The following C11orf98 variants were observed in gnomAD, a reference collection of about 807,000 sequenced individuals.
C11orf98 encodes the protein 28S rRNA/ribosome and sororin micro-cofactor.
C11orf98 carries 7 observed loss-of-function variants against 10.9 expected under a neutral mutation model. The observed-to-expected ratio is 0.64, with a 90% CI of 0.37 to 1.21. C11orf98 has a LOEUF of 1.21. Among genes scored for constraint, C11orf98 ranks in the 50% most tolerant of loss-of-function variants. C11orf98 has a pLI of 0.02. For synonymous variants in C11orf98, 70 were observed against 57.2 expected, an observed-to-expected ratio of 1.22 and a Z score of -1.01; for missense variants, 181 against 153.7, an observed-to-expected ratio of 1.18 and a Z score of -0.94.
chr11:62,663,039 G>C lies in C11orf98; in HGVS notation c.*11C>G. The stretch of plus-strand genomic sequence containing the variant: ...GCTGGCTCCAGTTGAGAATCTTCTA[G>C]TGGAAGAGGTTTAGCTCTCATCTTC... On this transcript the variant is annotated 3_prime_UTR_variant, in exon 4 of 4. Coordinates refer to ENST00000524958, the MANE Select transcript of C11orf98 (RefSeq NM_001286086.2). 6.4e-7 allele frequency: 1 copy of C among 1,552,090 alleles called. No individual in the cohort carries two copies. Among genetic ancestry groups the C allele is most frequent in the Non-Finnish European group, 8.9e-7 (1 of 1,129,530 alleles).
Position 62,663,250 on chromosome 11 carries a change from TTC to T in C11orf98, c.246_247del (p.Lys83AspfsTer15), listed in dbSNP as rs1223940906. The T allele has an allele frequency of 1.2e-6, 2 of 1,614,206 alleles. No individual in the cohort carries two copies. Among genetic ancestry groups the T allele is most frequent in the East Asian group, 2.2e-5 (1 of 44,890 alleles). ...CCCAGCCTCACCTTCCATGGCTGTCTTCTCTTTCTGGGCAAGCCGGATCTGCT... is the reference window on the plus strand; with the variant it reads ...CCCAGCCTCACCTTCCATGGCTGTCTTCTTTCTGGGCAAGCCGGATCTGCT... On this transcript the variant is annotated frameshift_variant, in exon 3 of 4. Transcript: ENST00000524958. LOFTEE classifies it high-confidence loss of function.
At chr11:62,664,713 A>G in intron 2 of C11orf98, 136 bp downstream of exon 2, 1 of 1,173,622 alleles carries the variant, frequency 8.5e-7, no homozygotes, top group Non-Finnish European at 1.2e-6. Context: ...GAGCTTAGGA[A>G]CTAACAGCCG....
chr11:62,664,082 G>GAAAAAAAAAAAA (rs71056540), intron 2 of C11orf98, among the ~76,000 whole-genome samples: 1 of 65,940 alleles, frequency 1.5e-5, no homozygotes, highest in African/African-American at 6.1e-5. Context: ...CAAAAAAGAG[G>GAAAAAAAAAAAA]AAAAAAAAAA....
At chr11:62,663,841 G>A (rs1944718706) in intron 2 of C11orf98, among the ~76,000 whole-genome samples, 2 of 151,824 alleles carry the variant, frequency 1.3e-5, no homozygotes, top group Admixed American at 1.3e-4. Context: ...GGGAGGCTGA[G>A]GTGGGCGGAT....
chr11:62,664,705 G>A, intron 2 of C11orf98, 144 bp downstream of exon 2: 1 of 1,096,694 alleles, frequency 9.1e-7, no homozygotes, highest in Admixed American at 2.6e-5. Context: ...GGCTATCAGA[G>A]CTTAGGAACT....
chr11:62,663,272 T>C lies in C11orf98; in HGVS notation c.226A>G (p.Ile76Val). ...GTCTTCTCTTTCTGGGCAAGCCGGA[T>C]CTGCTGGAGGAGTTTTCTGCGCTTC... Reference protein sequence around the residue: ...GKKRRKLLQQIRLAQKEKTAM... With the variant: ...GKKRRKLLQQVRLAQKEKTAM... Residue 76 changes from isoleucine to valine, a missense_variant, in exon 3 of 4, where the codon ATC becomes GTC. Coordinates refer to ENST00000524958, the MANE Select transcript of C11orf98 (RefSeq NM_001286086.2). The C allele has an allele frequency of 6.2e-7, 1 of 1,614,216 alleles. No individual in the cohort carries two copies. The highest frequency in any genetic ancestry group is 8.5e-7 in the Non-Finnish European group (1 of 1,180,044).
rs1944694408 is a variant in C11orf98, at chr11:62,662,923, G to T, written c.*127C>A. 5.6e-6 allele frequency: 4 copies of T among 708,510 alleles called. 1 individual carries two copies. Among genetic ancestry groups the T allele is most frequent in the Non-Finnish European group, 9.3e-6 (4 of 430,424 alleles). 43.9% of individuals were successfully genotyped at this position (708,510 alleles called of 1,614,324 possible). On this transcript the variant is annotated 3_prime_UTR_variant, in exon 4 of 4. Transcript: ENST00000524958. Reference sequence around the variant, plus strand: ...TCCCAAAGACATCCCTCTAGGGGAGGTCAGTAGGCCATTAGGTAGGAGGAA... The same window carrying T: ...TCCCAAAGACATCCCTCTAGGGGAGTTCAGTAGGCCATTAGGTAGGAGGAA...
rs1284428565 is a variant in C11orf98, at chr11:62,663,037, T to C, written c.*13A>G. The stretch of plus-strand genomic sequence containing the variant: ...AGGCTGGCTCCAGTTGAGAATCTTC[T>C]AGTGGAAGAGGTTTAGCTCTCATCT... On this transcript the variant is annotated 3_prime_UTR_variant, in exon 4 of 4. Coordinates refer to ENST00000524958, the MANE Select transcript of C11orf98 (RefSeq NM_001286086.2). 2 of 1,549,868 alleles carry C rather than the reference T, an allele frequency of 1.3e-6. No individual in the cohort carries two copies. The highest frequency in any genetic ancestry group is 8.9e-7 in the Non-Finnish European group (1 of 1,127,910).
In C11orf98 at chr11:62,663,084, T is replaced by A. The variant is rs1457790394; in HGVS notation, c.338A>T (p.Asp113Val). The change falls in exon 4 of 4, where the codon GAT becomes GTT. Residue 113 changes from aspartate to valine, a missense_variant. Asp to Val is a radical substitution (Grantham distance 152). Transcript: ENST00000524958. ...ATCTTCAAGGTCCTTCATTTCTACATCCTGGGGGGCTTTTGTCTTCTTTTG... is the reference window on the plus strand; with the variant it reads ...ATCTTCAAGGTCCTTCATTTCTACAACCTGGGGGGCTTTTGTCTTCTTTTG... ...KRQKKTKAPQ[D>V]VEMKDLEDES 19 of 1,611,894 alleles carry A rather than the reference T, an allele frequency of 1.2e-5. No homozygotes were observed. Among genetic ancestry groups the A allele is most frequent in the Non-Finnish European group, 1.5e-5 (18 of 1,178,600 alleles).
chr11:62,665,096 T>C, intron 1 of C11orf98, 35 bp downstream of exon 1: 1 of 1,427,758 alleles, frequency 7.0e-7, no homozygotes, highest in Non-Finnish European at 9.6e-7. Context: ...TCAGGAACGC[T>C]TGAGGAAACA....
intron 2 of C11orf98, among the ~76,000 whole-genome samples, chr11:62,664,583 A>G (rs1944742988): frequency 6.6e-6 from 1 of 152,034 alleles, no homozygotes; most frequent in Non-Finnish European, 1.5e-5. Flanking sequence ...CGCCCACCTC[A>G]GCCCCCCAAA....
intron 2 of C11orf98, 37 bp from the exon 3 acceptor site, chr11:62,663,370 C>G (rs1944705182): frequency 6.3e-7 from 1 of 1,592,328 alleles, no homozygotes; most frequent in African/African-American, 1.3e-5. Flanking sequence ...GCTAGGTTAA[C>G]CTGAACCAAC....
In C11orf98 at chr11:62,662,997, A is replaced by C; in HGVS notation, c.*53T>G. 7.2e-7 allele frequency: 1 copy of C among 1,394,452 alleles called. No homozygotes were observed. The highest frequency in any genetic ancestry group is 1.0e-6 in the Non-Finnish European group (1 of 1,004,366). 86.4% of individuals were successfully genotyped at this position (1,394,452 alleles called of 1,614,324 possible). A position where few individuals can be genotyped will look rare whatever the true frequency, so the allele number is the denominator to read the frequency against. ...TGCTTTTGTCAAAGTCCTCTGAAAC[A>C]ACCACTGAGTCTGAAGGCTGGCTCC... On this transcript the variant is annotated 3_prime_UTR_variant, in exon 4 of 4. Transcript: ENST00000524958.
intron 2 of C11orf98, among the ~76,000 whole-genome samples, chr11:62,664,324 TTC>T (rs1944733006): frequency 7.7e-6 from 1 of 129,718 alleles, no homozygotes. Flanking sequence ...TTTCCTGATA[TTC>T]TTTTTTTTTT....
Position 62,663,325 on chromosome 11 carries a change from G to A in C11orf98, c.173C>T (p.Ala58Val), listed in dbSNP as rs1944703622. Residue 58 changes from alanine (A) to valine (V), a missense_variant, in exon 3 of 4, where the codon GCA becomes GTA. Transcript: ENST00000524958. ...RHHLKKRASS[A>V]RANITLSGKK... is the part of the protein sequence containing the mutation. ...CCCTGACAGTGTAATGTTGGCACGT[G>A]CACTGGACCTGATGGGTAAGTGGAA... 2 of 1,613,944 alleles carry A rather than the reference G, an allele frequency of 1.2e-6. No individual in the cohort carries two copies. Among genetic ancestry groups the A allele is most frequent in the Non-Finnish European group, 1.7e-6 (2 of 1,179,912 alleles).
At chr11:62,663,190 C>G (rs769359991) in intron 3 of C11orf98, 31 bp from the exon 4 acceptor site, 2 of 1,613,714 alleles carry the variant, frequency 1.2e-6, no homozygotes, top group Admixed American at 3.3e-5. Flanking sequence ...AGTATTATCC[C>G]AAATAAATCC....
chr11:62,665,215 C>A (rs1565125863), upstream of C11orf98: 3 of 791,534 alleles, frequency 3.8e-6, no homozygotes, highest in Non-Finnish European at 6.4e-6. Flanking sequence ...CCGCTCAGCG[C>A]CGGATCCGCG....
At chr11:62,664,748 A>C in intron 2 of C11orf98, 101 bp downstream of exon 2, 1 of 1,405,144 alleles carries the variant, frequency 7.1e-7, no homozygotes, top group Non-Finnish European at 9.7e-7. Flanking sequence ...CATAAGCGTC[A>C]GTGCACAAGG....
Position 62,664,836 on chromosome 11 carries a change from G to T in C11orf98, c.164+13C>A. Reference sequence around the variant, plus strand: ...GGTGGGGACGACCAACAGGAAGAGGGTCTAGTACTTACGCCCGCTTCTTGA... The same window carrying T: ...GGTGGGGACGACCAACAGGAAGAGGTTCTAGTACTTACGCCCGCTTCTTGA... On this transcript the variant is annotated intron_variant, in intron 2 of 3. Coordinates refer to ENST00000524958, the MANE Select transcript of C11orf98 (RefSeq NM_001286086.2). The T allele has an allele frequency of 6.4e-7, 1 of 1,559,310 alleles. No homozygotes were observed. The highest frequency in any genetic ancestry group is 8.7e-7 in the Non-Finnish European group (1 of 1,151,570).
Sources: allele counts gnomAD v4.1 joint callset (sites outside exome capture counted in the v4.1 genomes callset), GRCh38; gene constraint gnomAD v4.1.1; transcripts MANE v1.5; gene names NCBI Gene and HGNC (gene_info 2026-07-23, HGNC 2026-07-21).